Variants in SLC25A37 observed in about 807,000 individuals in gnomAD.
SLC25A37 encodes solute carrier family 25 member 37, also known as mitoferrin-1.
A neutral mutation model predicts 31.0 loss-of-function variants in SLC25A37; 17 were observed. The observed-to-expected ratio is 0.55, with a 90% confidence interval of 0.38 to 0.82. SLC25A37 has a LOEUF of 0.82. Among genes scored for constraint, SLC25A37 ranks in the 40% least tolerant of loss-of-function variants. The pLI, the probability that SLC25A37 is intolerant of heterozygous loss-of-function variation, is 0.00. For synonymous variants in SLC25A37, 222 were observed against 193.0 expected, an observed-to-expected ratio of 1.15 and a Z score of -1.24; for missense variants, 404 against 465.8, an observed-to-expected ratio of 0.87 and a Z score of 1.22.
intron 1 of SLC25A37, among the ~76,000 whole-genome samples, chr8:23,543,954 G>A (rs935309921): frequency 6.6e-6 from 1 of 151,978 alleles, no homozygotes; most frequent in South Asian, 2.1e-4. Context: ...TCTGCCTACC[G>A]GGTTCAAGCA....
At position 23,566,286 on chromosome 8, in the gene SLC25A37, G is replaced by A. The variant is rs774399729; in HGVS notation, c.389G>A (p.Arg130Lys). ...MYFACYENMK[R>K]TLNDVFHHQG... ...TTTGCCTGCTATGAAAACATGAAAA[G>A]GACTTTAAATGACGTTTTCCACCAC... Residue 130 changes from arginine to lysine, a missense_variant, in exon 2 of 4, where the codon AGG becomes AAG. Physicochemically the swap from Arg to Lys is conservative, Grantham distance 26. Coordinates refer to ENST00000519973, the MANE Select transcript of SLC25A37 (RefSeq NM_016612.4). 2.8e-5 allele frequency: 45 copies of A among 1,597,894 alleles called. No individual in the cohort carries two copies. The highest frequency in any genetic ancestry group is 3.7e-5 in the Non-Finnish European group (44 of 1,174,492).
intron 1 of SLC25A37, among the ~76,000 whole-genome samples, chr8:23,560,509 A>G (rs765234644): frequency 5.9e-5 from 9 of 152,020 alleles, no homozygotes; most frequent in Non-Finnish European, 8.8e-5. Flanking sequence ...TCTCCTCTGT[A>G]TCCTGGTGCC....
chr8:23,566,558 G>A (rs1802665916), intron 2 of SLC25A37: 2 of 1,305,722 alleles, frequency 1.5e-6, no homozygotes, highest in South Asian at 2.1e-5. Flanking sequence ...TCTGAAGCCT[G>A]GGGAGAAATC....
chr8:23,550,407 C>T (rs1259022011), intron 1 of SLC25A37, among the ~76,000 whole-genome samples: 1 of 152,090 alleles, frequency 6.6e-6, no homozygotes, highest in African/African-American at 2.4e-5. Context: ...TATAATTATA[C>T]GTGGAGGAAT....
At chr8:23,557,335 G>A (rs1230060817) in intron 1 of SLC25A37, among the ~76,000 whole-genome samples, 3 of 152,148 alleles carry the variant, frequency 2.0e-5, no homozygotes, top group Non-Finnish European at 2.9e-5. Context: ...TGTGTGCGTG[G>A]TGCTCCTTGA....
chr8:23,565,082 C>T (rs546429036), intron 1 of SLC25A37, among the ~76,000 whole-genome samples: 88 of 152,318 alleles, frequency 5.8e-4, no homozygotes, highest in Non-Finnish European at 1.1e-3. Context: ...AGTCTGGAGG[C>T]AGAATTTCTT....
intron 1 of SLC25A37, among the ~76,000 whole-genome samples, chr8:23,560,613 C>T (rs1001117352): frequency 1.3e-5 from 2 of 152,250 alleles, no homozygotes; most frequent in Non-Finnish European, 2.9e-5. Flanking sequence ...GCTGTGACTG[C>T]AGTGGTCCCA....
In SLC25A37 at chr8:23,529,126, A is replaced by G. The variant is rs560257641; in HGVS notation, c.124A>G (p.Ser42Gly). 46 of 1,611,438 alleles carry G rather than the reference A, an allele frequency of 2.9e-5. 1 individual carries two copies. The South Asian group carries it at 4.6e-4, about 16-fold the overall frequency. Residue 42 changes from serine (S) to glycine (G), a missense_variant, in exon 1 of 4, where the codon AGC becomes GGC. Ser to Gly is a moderately conservative substitution (Grantham distance 56). Around this residue, in one of 3 missense-constraint regions of SLC25A37, gnomAD observed 154 missense variants for 153.6 expected, o/e 1.00. Coordinates refer to ENST00000519973, the MANE Select transcript of SLC25A37 (RefSeq NM_016612.4). The surrounding 1 kb of genome is among the most constrained non-coding windows in gnomAD (Gnocchi z 4.1). ...GSEDYENLPT[S>G]ASVSTHMTAG... ...GGAGGACTACGAGAACCTGCCGACT[A>G]GCGCCTCCGTGTCCACCCACATGAC...
chr8:23,548,918 C>T (rs1243679338), intron 1 of SLC25A37, among the ~76,000 whole-genome samples: 1 of 152,192 alleles, frequency 6.6e-6, no homozygotes, highest in Admixed American at 6.5e-5. Flanking sequence ...CCAGCCTTCT[C>T]GGAGCCTCTG....
In SLC25A37 at chr8:23,571,751, C is replaced by T; in HGVS notation, c.913C>T (p.Arg305Cys). Residue 305 changes from arginine (R) to cysteine (C), a missense_variant, in exon 4 of 4, where the codon CGT becomes TGT. Coordinates refer to ENST00000519973, the MANE Select transcript of SLC25A37 (RefSeq NM_016612.4). ...CGGCTACTTCAAAGGCATCCAGGCG[C>T]GTGTCATCTACCAGATGCCCTCCAC... The part of the protein sequence containing the change: ...LAGYFKGIQA[R>C]VIYQMPSTAI... 3.1e-6 allele frequency: 5 copies of T among 1,614,050 alleles called. No homozygotes were observed. The highest frequency in any genetic ancestry group is 4.2e-6 in the Non-Finnish European group (5 of 1,179,904).
intron 1 of SLC25A37, among the ~76,000 whole-genome samples, chr8:23,563,655 T>C (rs1057245208): frequency 1.3e-5 from 2 of 152,094 alleles, no homozygotes; most frequent in African/African-American, 2.4e-5. Context: ...CAGTCTGTGG[T>C]AGGAAAAAGG....
chr8:23,533,854 G>T (rs947323421), intron 1 of SLC25A37, among the ~76,000 whole-genome samples: 1 of 152,212 alleles, frequency 6.6e-6, no homozygotes, highest in Non-Finnish European at 1.5e-5. Context: ...GCATGGCTTT[G>T]CCACTCCCAT....
At chr8:23,566,522 A>G (rs936567159) in intron 2 of SLC25A37, 186 bp downstream of exon 2, 5 of 1,343,978 alleles carry the variant, frequency 3.7e-6, no homozygotes, top group African/African-American at 3.1e-5. Flanking sequence ...GCGCACACAC[A>G]TGCTTTTTTC....
chr8:23,551,436 G>A (rs1802222174), intron 1 of SLC25A37, among the ~76,000 whole-genome samples: 1 of 152,072 alleles, frequency 6.6e-6, no homozygotes, highest in Non-Finnish European at 1.5e-5. Flanking sequence ...AGGTGGTCCT[G>A]CCACATCCCA....
At chr8:23,566,992 G>T (rs369425082) in intron 2 of SLC25A37, 1 of 241,886 alleles carries the variant, frequency 4.1e-6, no homozygotes, top group Non-Finnish European at 6.6e-6. Flanking sequence ...GAGGCGGGGT[G>T]GGGGGGTGCA....
At chr8:23,542,925 G>T (rs1476328961) in intron 1 of SLC25A37, among the ~76,000 whole-genome samples, 1 of 151,926 alleles carries the variant, frequency 6.6e-6, no homozygotes, top group African/African-American at 2.4e-5. Flanking sequence ...ATAGAATAAG[G>T]ATATAGAGAA....
chr8:23,571,268 G>C, intron 3 of SLC25A37, 67 bp from the exon 4 acceptor site: 1 of 1,459,136 alleles, frequency 6.9e-7, no homozygotes, highest in African/African-American at 1.4e-5. Flanking sequence ...CCGACCTGGG[G>C]TGGGGCCACA....
At chr8:23,559,364 C>CGTGTGTGTGT (rs1554499347) in intron 1 of SLC25A37, among the ~76,000 whole-genome samples, 27 of 151,678 alleles carry the variant, frequency 1.8e-4, no homozygotes, top group Admixed American at 2.6e-4. Context: ...CGTGTGTGTG[C>CGTGTGTGTGT]GCGCGCGCGT....
chr8:23,546,138 GA>G (rs571510204), intron 1 of SLC25A37, among the ~76,000 whole-genome samples: 33 of 141,658 alleles, frequency 2.3e-4, no homozygotes, highest in East Asian at 6.3e-4. Flanking sequence ...TCTGTCTCAA[GA>G]AAAAAAAAAA....
Sources: gnomAD v4.1 joint callset for allele counts (sites outside exome capture counted in the v4.1 genomes callset) on GRCh38, gnomAD v4.1.1 for gene constraint, gnomAD v4.1.1 regional missense constraint, Gnocchi (gnomAD v3.1) non-coding constraint, MANE v1.5 for transcripts, NCBI Gene and HGNC (gene_info 2026-07-23, HGNC 2026-07-21) for gene names.